Variants in NREP observed in about 807,000 individuals in gnomAD.
NREP encodes the protein neuronal regeneration related protein.
Under a neutral mutation model 8.6 loss-of-function variants are expected in NREP, and 5 were observed. The ratio of observed to expected loss-of-function variants is 0.58; its 90% confidence interval spans 0.30 to 1.22. The LOEUF is 1.22. Ranked by LOEUF, NREP falls within the 50% of genes most tolerant of loss-of-function variation. NREP has a pLI of 0.07. For synonymous variants in NREP, 27 were observed against 28.0 expected, an observed-to-expected ratio of 0.96 and a Z score of 0.11; for missense variants, 86 against 82.5, an observed-to-expected ratio of 1.04 and a Z score of -0.17.
chr5:111,950,755 A>G (rs1756134549), intron 2 of NREP, among the ~76,000 whole-genome samples: 1 of 151,994 alleles, frequency 6.6e-6, no homozygotes, highest in East Asian at 1.9e-4. Context: ...ATATGAACAG[A>G]CACTTCTCAA....
In NREP at chr5:111,729,498, AC is replaced by A. The variant is rs879741624; in HGVS notation, c.*1422del. On this transcript the variant is annotated 3_prime_UTR_variant, in exon 4 of 4. Transcript: ENST00000257435. Reference sequence around the variant, plus strand: ...CTTGCTCTATTTACACAGCTGATATACCTATTCTAACGAAGGAGGGAGAGGA... The same window carrying A: ...CTTGCTCTATTTACACAGCTGATATACTATTCTAACGAAGGAGGGAGAGGA... The A allele has an allele frequency of 6.6e-5, 10 of 152,636 alleles. No homozygotes were observed. The highest frequency in any genetic ancestry group is 1.2e-4 in the Non-Finnish European group (8 of 68,054). The allele number at this position is 152,636 out of a possible 1,614,324, so 9.5% of individuals were successfully genotyped here.
intron 1 of NREP, among the ~76,000 whole-genome samples, chr5:111,975,592 G>A (rs1036289806): frequency 6.6e-6 from 1 of 152,178 alleles, no homozygotes; most frequent in East Asian, 1.9e-4. Flanking sequence ...GGGTACTTTA[G>A]AAAGGGGTGT....
intron 2 of NREP, among the ~76,000 whole-genome samples, chr5:111,787,323 A>T (rs1489839182): frequency 6.6e-6 from 1 of 152,234 alleles, no homozygotes; most frequent in African/African-American, 2.4e-5. Flanking sequence ...TAAAATTAAA[A>T]CTAACCACTG....
intron 2 of NREP, among the ~76,000 whole-genome samples, chr5:111,763,269 A>G (rs1751006813): frequency 6.6e-6 from 1 of 152,210 alleles, no homozygotes; most frequent in African/African-American, 2.4e-5. Flanking sequence ...GGATGCTGAC[A>G]ATGAGAGGAG....
chr5:111,976,275 T>A (rs1162454007), intron 1 of NREP, among the ~76,000 whole-genome samples: 1 of 152,240 alleles, frequency 6.6e-6, no homozygotes, highest in African/African-American at 2.4e-5. Context: ...TAATATTTGT[T>A]CTATGGCATC....
intron 2 of NREP, among the ~76,000 whole-genome samples, chr5:111,900,473 T>C (rs990161951): frequency 2.0e-5 from 3 of 150,828 alleles, no homozygotes; most frequent in Admixed American, 6.6e-5. Flanking sequence ...ATCAAGAAAA[T>C]GAAAAGTTTT....
intron 2 of NREP, among the ~76,000 whole-genome samples, chr5:111,960,204 CA>C (rs1756441710): frequency 6.6e-6 from 1 of 152,086 alleles, no homozygotes; most frequent in African/African-American, 2.4e-5. Context: ...AATTAAAAAT[CA>C]GAGAATCTGT....
intron 2 of NREP, among the ~76,000 whole-genome samples, chr5:111,745,247 A>T (rs1749928198): frequency 6.6e-6 from 1 of 152,198 alleles, no homozygotes; most frequent in Non-Finnish European, 1.5e-5. Flanking sequence ...CATTTTACAG[A>T]TGAGAACACT....
intron 2 of NREP, among the ~76,000 whole-genome samples, chr5:111,961,459 T>G (rs992484280): frequency 1.3e-5 from 2 of 152,254 alleles, no homozygotes; most frequent in Non-Finnish European, 2.9e-5. Context: ...TAACATTTGA[T>G]GTAAGACCGT....
intron 2 of NREP, among the ~76,000 whole-genome samples, chr5:111,926,399 G>A (rs1397258427): frequency 6.6e-6 from 1 of 152,118 alleles, no homozygotes; most frequent in Non-Finnish European, 1.5e-5. Context: ...GCTGCTAAAA[G>A]AGCTGGGTCG....
chr5:111,925,262 G>C (rs200545063), intron 2 of NREP, among the ~76,000 whole-genome samples: 3 of 41,252 alleles, frequency 7.3e-5, no homozygotes, highest in African/African-American at 1.7e-4. Context: ...AGTTCTGGAC[G>C]GAGATGTCTC....
intron 2 of NREP, among the ~76,000 whole-genome samples, chr5:111,871,543 G>A (rs1753791148): frequency 6.6e-6 from 1 of 151,916 alleles, no homozygotes; most frequent in South Asian, 2.1e-4. Context: ...ATTAATTGTA[G>A]CTTATTATAA....
intron 2 of NREP, among the ~76,000 whole-genome samples, chr5:111,831,611 T>A (rs1752769996): frequency 1.3e-5 from 2 of 152,218 alleles, no homozygotes; most frequent in African/African-American, 4.8e-5. Flanking sequence ...TTCACCCACT[T>A]GTGCAAGACA....
chr5:111,957,704 T>C (rs376029306), intron 2 of NREP, among the ~76,000 whole-genome samples: 22 of 151,032 alleles, frequency 1.5e-4, no homozygotes, highest in East Asian at 7.8e-4. Context: ...TGTATATATA[T>C]ATACACACAC....
At chr5:111,869,877 T>A (rs1444731207) in intron 2 of NREP, among the ~76,000 whole-genome samples, 30 of 152,202 alleles carry the variant, frequency 2.0e-4, no homozygotes. Flanking sequence ...TATGAATGAA[T>A]TTCTTGATGA....
intron 2 of NREP, among the ~76,000 whole-genome samples, chr5:111,796,122 G>T (rs1265841507): frequency 3.3e-5 from 5 of 152,214 alleles, no homozygotes; most frequent in South Asian, 2.1e-4. Flanking sequence ...CTATGGAAGA[G>T]CCTTTTTTAG....
downstream of NREP, chr5:111,729,185 G>GAT: frequency 6.6e-6 from 1 of 152,286 alleles, no homozygotes; most frequent in Non-Finnish European, 1.5e-5. Flanking sequence ...TCTCTCTTTT[G>GAT]ATATTTGCCC....
intron 2 of NREP, among the ~76,000 whole-genome samples, chr5:111,793,695 C>G (rs1751806411): frequency 6.6e-6 from 1 of 152,148 alleles, no homozygotes; most frequent in Non-Finnish European, 1.5e-5. Flanking sequence ...CACAGGAGCC[C>G]TCCTCACTCC....
At chr5:111,875,754 G>C (rs1330733051) in intron 2 of NREP, among the ~76,000 whole-genome samples, 1 of 152,170 alleles carries the variant, frequency 6.6e-6, no homozygotes, top group East Asian at 1.9e-4. Flanking sequence ...CCTCATGCTG[G>C]TGAAGCAGCC....
Sources: allele counts gnomAD v4.1 joint callset (sites outside exome capture counted in the v4.1 genomes callset), GRCh38; gene constraint gnomAD v4.1.1; transcripts MANE v1.5; gene names NCBI Gene and HGNC (gene_info 2026-07-23, HGNC 2026-07-21).